CNTNAP2: variants seen among roughly 807,000 people sequenced by gnomAD.
The protein encoded by CNTNAP2 is contactin associated protein 2, also known as contactin-associated protein-like 2.
Under a neutral mutation model 155.2 loss-of-function variants are expected in CNTNAP2, and 98 were observed. The observed-to-expected ratio is 0.63, with a 90% CI of 0.54 to 0.75. The LOEUF is 0.75. CNTNAP2 is among the 30% of genes least tolerant of loss of function. The pLI, the probability that CNTNAP2 is intolerant of heterozygous loss-of-function variation, is 0.00. For missense variants in CNTNAP2, 1,727 were observed against 1,688.1 expected, an observed-to-expected ratio of 1.02 and a Z score of -0.40; for synonymous variants, 651 against 631.2, an observed-to-expected ratio of 1.03 and a Z score of -0.47.
rs1397093973 is a variant in CNTNAP2 at position 146,241,861 on chromosome 7, C to CAT, written c.97+124897_97+124898dup. Among the ~76,000 whole-genome samples, 4 of 150,696 alleles carry CAT rather than the reference C, an allele frequency of 2.7e-5. No individual in the cohort carries two copies. The East Asian group carries it at 5.8e-4, about 22-fold the overall frequency. ...ACAAACACACACGCACACACACAAA[C>CAT]ATATATATATGAAAAGACTCTATTA... On this transcript the variant is annotated intron_variant, in intron 1 of 23. Transcript: ENST00000361727.
intron 8 of CNTNAP2, among the ~76,000 whole-genome samples, chr7:147,164,797 G>T (rs1802086820): frequency 2.0e-5 from 3 of 152,150 alleles, no homozygotes. Context: ...TGTCCCCTCT[G>T]TGATTTTTGT....
intron 1 of CNTNAP2, among the ~76,000 whole-genome samples, chr7:146,194,432 T>C (rs567817027): frequency 6.6e-6 from 1 of 152,306 alleles, no homozygotes; most frequent in South Asian, 2.1e-4. Context: ...AATTTCCCTT[T>C]ATAAAACCAT....
At chr7:146,207,230 A>G (rs1798960686) in intron 1 of CNTNAP2, among the ~76,000 whole-genome samples, 1 of 151,986 alleles carries the variant, frequency 6.6e-6, no homozygotes, top group Non-Finnish European at 1.5e-5. Flanking sequence ...AAGTTTTTAG[A>G]CCAATCCACC....
chr7:146,507,573 A>G (rs895697987), intron 1 of CNTNAP2, among the ~76,000 whole-genome samples: 1 of 152,110 alleles, frequency 6.6e-6, no homozygotes, highest in Admixed American at 6.5e-5. Context: ...TTGCCTCATT[A>G]TTGTGGTCTG....
At chr7:146,322,634 C>CTT (rs56287346) in intron 1 of CNTNAP2, among the ~76,000 whole-genome samples, 664 of 64,932 alleles carry the variant, frequency 0.01, 42 homozygotes, top group Non-Finnish European at 0.015. Context: ...TGTTCATTCT[C>CTT]TTTTTTTTTT....
At chr7:146,304,290 G>C (rs1584858346) in intron 1 of CNTNAP2, among the ~76,000 whole-genome samples, 1 of 152,150 alleles carries the variant, frequency 6.6e-6, no homozygotes, top group African/African-American at 2.4e-5. Context: ...ATATTGTTAT[G>C]TGTGAATTTG....
chr7:148,328,735 C>T (rs972453291), intron 21 of CNTNAP2, among the ~76,000 whole-genome samples: 15 of 151,666 alleles, frequency 9.9e-5, no homozygotes, highest in African/African-American at 3.2e-4. Flanking sequence ...TGTGGGAGGC[C>T]GAGGCGGGTG....
chr7:147,506,185 T>C (rs528010765), intron 11 of CNTNAP2, among the ~76,000 whole-genome samples: 31 of 152,284 alleles, frequency 2.0e-4, no homozygotes, highest in African/African-American at 7.2e-4. Context: ...CCCATCAATA[T>C]GAGGAAATGG....
chr7:147,418,639 T>C (rs188573408), intron 10 of CNTNAP2, among the ~76,000 whole-genome samples: 1 of 152,366 alleles, frequency 6.6e-6, no homozygotes, highest in African/African-American at 2.4e-5. Context: ...AGTTCACTTA[T>C]ATTATAGCAT....
intron 9 of CNTNAP2, among the ~76,000 whole-genome samples, chr7:147,373,313 G>A (rs750452685): frequency 1.3e-5 from 2 of 151,904 alleles, no homozygotes; most frequent in Admixed American, 1.3e-4. Context: ...TGGTTTCGGT[G>A]ATTCATATTA....
intron 13 of CNTNAP2, among the ~76,000 whole-genome samples, chr7:147,782,460 G>GA (rs1797674126): frequency 6.6e-6 from 1 of 152,110 alleles, no homozygotes; most frequent in Non-Finnish European, 1.5e-5. Flanking sequence ...GGGAGGCTGG[G>GA]AAGTCCAAAA....
intron 13 of CNTNAP2, among the ~76,000 whole-genome samples, chr7:147,839,919 G>GT (rs1563107077): frequency 1.5e-4 from 21 of 141,850 alleles, no homozygotes; most frequent in Middle Eastern, 3.8e-3. Flanking sequence ...GTGTGTGTGT[G>GT]CTGTGTATAT....
chr7:146,950,335 G>A (rs1354885269), intron 3 of CNTNAP2, among the ~76,000 whole-genome samples: 1 of 151,866 alleles, frequency 6.6e-6, no homozygotes, highest in Admixed American at 6.6e-5. Flanking sequence ...TTTAAGTTCT[G>A]GGATACATGT....
chr7:146,577,672 C>A (rs1176439577), intron 1 of CNTNAP2, among the ~76,000 whole-genome samples: 1 of 151,750 alleles, frequency 6.6e-6, no homozygotes, highest in Non-Finnish European at 1.5e-5. Context: ...TACATAAAGG[C>A]CATAAACAAG....
Position 146,947,525 on chromosome 7 carries a change from G to A in CNTNAP2, c.403-96382G>A, listed in dbSNP as rs1186253911. ...CTTTCTAGATATATATAGTGTGTAT[G>A]TATGTGTGTGTGTGTGTATGTGTGT... is the stretch of plus-strand genomic sequence containing the variant. On this transcript the variant is annotated intron_variant, in intron 3 of 23. Transcript: ENST00000361727. Among the ~76,000 whole-genome samples, 15 of 127,152 alleles carry A rather than the reference G, an allele frequency of 1.2e-4. No individual in the cohort carries two copies. The South Asian group carries it at 1.2e-3, about 10-fold the overall frequency. 83.4% of individuals were successfully genotyped at this position (127,152 alleles called of 152,430 possible).
intron 4 of CNTNAP2, among the ~76,000 whole-genome samples, chr7:147,078,686 A>AT (rs1184006081): frequency 6.6e-6 from 1 of 151,980 alleles, no homozygotes; most frequent in Non-Finnish European, 1.5e-5. Flanking sequence ...TTATTCCTCC[A>AT]TTAAAAAAAA....
intron 13 of CNTNAP2, among the ~76,000 whole-genome samples, chr7:147,892,246 A>G (rs1304308359): frequency 6.6e-6 from 1 of 152,234 alleles, no homozygotes. Flanking sequence ...CCGTCATCAC[A>G]ACTTAGTTTA....
chr7:148,067,379 T>C (rs1015007222), intron 15 of CNTNAP2, among the ~76,000 whole-genome samples: 1 of 152,180 alleles, frequency 6.6e-6, no homozygotes, highest in African/African-American at 2.4e-5. Context: ...TTTCTAGGTC[T>C]AGCCACCCAG....
intron 13 of CNTNAP2, among the ~76,000 whole-genome samples, chr7:147,810,951 T>C (rs1384926415): frequency 6.6e-6 from 1 of 152,318 alleles, no homozygotes; most frequent in East Asian, 1.9e-4. Context: ...CAGACTAGGC[T>C]GGGAATCCTG....
Sources: gnomAD v4.1 joint callset for allele counts (sites outside exome capture counted in the v4.1 genomes callset) on GRCh38, gnomAD v4.1.1 for gene constraint, MANE v1.5 for transcripts, NCBI Gene and HGNC (gene_info 2026-07-23, HGNC 2026-07-21) for gene names.